The following NEDD4L variants were observed in gnomAD, a reference collection of about 807,000 sequenced individuals.
NEDD4L encodes the protein NEDD4 like E3 ubiquitin protein ligase, also known as E3 ubiquitin-protein ligase NEDD4-like.
A neutral mutation model predicts 148.9 loss-of-function variants in NEDD4L; 54 were observed. The observed-to-expected ratio is 0.36, with a 90% CI of 0.29 to 0.45. The LOEUF (loss-of-function observed/expected upper bound fraction) is 0.45, where lower values mean the gene tolerates loss of function less well. Ranked by LOEUF, NEDD4L falls within the 20% of genes least tolerant of loss-of-function variation. NEDD4L has a pLI of 1.00. For synonymous variants in NEDD4L, 433 were observed against 440.7 expected, an observed-to-expected ratio of 0.98 and a Z score of 0.22; for missense variants, 856 against 1,233.8, an observed-to-expected ratio of 0.69 and a Z score of 4.59.
At chr18:58,224,898 C>T (rs2044184162) in intron 2 of NEDD4L, among the ~76,000 whole-genome samples, 1 of 152,088 alleles carries the variant, frequency 6.6e-6, no homozygotes, top group African/African-American at 2.4e-5. Flanking sequence ...TGTACTTTAA[C>T]AGTCTTGAAG....
chr18:58,384,057 C>T (rs1191222026), intron 25 of NEDD4L, among the ~76,000 whole-genome samples: 5 of 152,110 alleles, frequency 3.3e-5, no homozygotes, highest in Non-Finnish European at 7.3e-5. Context: ...TCTTGTGGGT[C>T]GCCACAGTGG....
chr18:58,346,763 G>A (rs960227951), intron 16 of NEDD4L, among the ~76,000 whole-genome samples: 1 of 152,176 alleles, frequency 6.6e-6, no homozygotes, highest in Non-Finnish European at 1.5e-5. Context: ...ACTGAAGAAA[G>A]GAAGAAACAA....
At chr18:58,298,896 T>C (rs1358360363) in intron 5 of NEDD4L, among the ~76,000 whole-genome samples, 1 of 152,276 alleles carries the variant, frequency 6.6e-6, no homozygotes, top group Non-Finnish European at 1.5e-5. Context: ...AGTTGCTGGC[T>C]GTAGCTGATA....
chr18:58,121,557 A>G (rs1330157468), intron 1 of NEDD4L, among the ~76,000 whole-genome samples: 1 of 151,862 alleles, frequency 6.6e-6, no homozygotes. Context: ...GGCGAGTTCC[A>G]CTACAGCTGG....
At chr18:58,194,054 C>T (rs2040402163) in intron 2 of NEDD4L, 1 of 152,266 alleles carries the variant, frequency 6.6e-6, no homozygotes, top group Non-Finnish European at 1.5e-5. Flanking sequence ...TTTTACGCTC[C>T]CCGCTGTCGT....
At chr18:58,123,215 C>G (rs536325507) in intron 1 of NEDD4L, among the ~76,000 whole-genome samples, 2 of 152,314 alleles carry the variant, frequency 1.3e-5, no homozygotes, top group Admixed American at 1.3e-4. Flanking sequence ...GAGTATCCAC[C>G]CAGCAACCTG....
chr18:58,047,394 C>T, intron 1 of NEDD4L: 1 of 984,912 alleles, frequency 1.0e-6, no homozygotes, highest in Non-Finnish European at 1.2e-6. Flanking sequence ...GACTGTTGAG[C>T]TCTCTGCACT....
chr18:58,044,451 C>G lies in NEDD4L; in HGVS notation c.-210C>G, dbSNP rs905688196. The G allele has an allele frequency of 4.0e-6, 2 of 501,624 alleles. No homozygotes were observed. Among genetic ancestry groups the G allele is most frequent in the Admixed American group, 4.8e-5 (1 of 20,830 alleles). 31.1% of individuals were successfully genotyped at this position (501,624 alleles called of 1,614,324 possible). A position where few individuals can be genotyped will look rare whatever the true frequency, so the allele number is the denominator to read the frequency against. Reference sequence around the variant, plus strand: ...TCGGGAGCCGCCCGCCCGCTGGTCCCGCAGCCTTCCGGGAGGAAGCGGTGC... The same window carrying G: ...TCGGGAGCCGCCCGCCCGCTGGTCCGGCAGCCTTCCGGGAGGAAGCGGTGC... On this transcript the variant is annotated 5_prime_UTR_variant, in exon 1 of 31. Transcript: ENST00000400345.
chr18:58,214,982 T>C (rs936954122), intron 2 of NEDD4L, among the ~76,000 whole-genome samples: 2 of 151,872 alleles, frequency 1.3e-5, no homozygotes, highest in Non-Finnish European at 2.9e-5. Flanking sequence ...TGGCTAATTT[T>C]TGTATTTTTA....
At chr18:58,290,486 G>A (rs937361000) in intron 5 of NEDD4L, among the ~76,000 whole-genome samples, 1 of 152,146 alleles carries the variant, frequency 6.6e-6, no homozygotes, top group East Asian at 1.9e-4. Context: ...AGGTTACTCC[G>A]AATGTATATA....
chr18:58,138,356 C>T (rs55707237), intron 1 of NEDD4L, among the ~76,000 whole-genome samples: 26,711 of 146,162 alleles, frequency 0.18, 2,985 homozygotes, highest in East Asian at 0.45. Flanking sequence ...TCCCTCCCCT[C>T]CTCCTCTTCC....
chr18:58,082,098 A>AT (rs1182927314), intron 1 of NEDD4L, among the ~76,000 whole-genome samples: 99 of 73,226 alleles, frequency 1.4e-3, no homozygotes, highest in African/African-American at 3.8e-3. Context: ...ATATATATAT[A>AT]TATATTTTTT....
intron 5 of NEDD4L, among the ~76,000 whole-genome samples, chr18:58,266,002 G>GA (rs2050167563): frequency 6.6e-6 from 1 of 151,994 alleles, no homozygotes; most frequent in Non-Finnish European, 1.5e-5. Flanking sequence ...ATTTATGTAA[G>GA]AAAAATGCTA....
intron 16 of NEDD4L, among the ~76,000 whole-genome samples, chr18:58,343,792 C>T (rs1307005678): frequency 6.6e-6 from 1 of 152,162 alleles, no homozygotes; most frequent in Admixed American, 6.5e-5. Context: ...CTTTGTATTT[C>T]TGTGTCAGTT....
rs12970716 is a variant in NEDD4L at position 58,234,139 on chromosome 18, T to C, written c.123-11288T>C. Among the ~76,000 whole-genome samples, 4 of 150,918 alleles carry C rather than the reference T, an allele frequency of 2.7e-5. No individual in the cohort carries two copies. The East Asian group carries it at 7.7e-4, about 29-fold the overall frequency. ...TTCTTTTCCTTCTTTTTTTCTTTCT[T>C]TCTCTCTCTCTTTCTTTCTTCTTTT... On this transcript the variant is annotated intron_variant, in intron 2 of 30. Transcript: ENST00000400345.
intron 1 of NEDD4L, among the ~76,000 whole-genome samples, chr18:58,094,044 T>C (rs1341544094): frequency 1.3e-5 from 2 of 152,148 alleles, no homozygotes; most frequent in East Asian, 3.9e-4. Flanking sequence ...ACAGCATGGA[T>C]TGGCATAAGT....
At chr18:58,380,657 G>A (rs954098257) in intron 24 of NEDD4L, among the ~76,000 whole-genome samples, 4 of 152,132 alleles carry the variant, frequency 2.6e-5, no homozygotes, top group East Asian at 1.9e-4. Context: ...ACATGCCATC[G>A]TGGTTTGCTG....
At chr18:58,394,755 C>A (rs1406007029) in intron 30 of NEDD4L, among the ~76,000 whole-genome samples, 1 of 152,222 alleles carries the variant, frequency 6.6e-6, no homozygotes, top group African/African-American at 2.4e-5. Context: ...AAACGGCCCT[C>A]TACGGTATGT....
chr18:58,228,713 A>C (rs2044678704), intron 2 of NEDD4L, among the ~76,000 whole-genome samples: 1 of 152,178 alleles, frequency 6.6e-6, no homozygotes, highest in Non-Finnish European at 1.5e-5. Flanking sequence ...TTTAATAGTC[A>C]GGGAGGTCTG....
Sources: allele counts gnomAD v4.1 joint callset (sites outside exome capture counted in the v4.1 genomes callset), GRCh38; gene constraint gnomAD v4.1.1; transcripts MANE v1.5; gene names NCBI Gene and HGNC (gene_info 2026-07-23, HGNC 2026-07-21).